SAMD3: variants seen among roughly 807,000 people sequenced by gnomAD.
SAMD3 encodes sterile alpha motif domain containing 3, also known as sterile alpha motif domain-containing protein 3.
A neutral mutation model predicts 58.5 loss-of-function variants in SAMD3; 63 were observed. The observed-to-expected ratio is 1.08, with a 90% confidence interval of 0.88 to 1.33. The LOEUF (loss-of-function observed/expected upper bound fraction) is 1.33. Ranked by LOEUF, SAMD3 falls within the 40% of genes most tolerant of loss-of-function variation. The pLI is 0.00. For missense variants in SAMD3, 604 were observed against 608.4 expected, an observed-to-expected ratio of 0.99 and a Z score of 0.08; for synonymous variants, 220 against 210.3, an observed-to-expected ratio of 1.05 and a Z score of -0.40.
intron 2 of SAMD3, among the ~76,000 whole-genome samples, chr6:130,251,692 T>C (rs1173080314): frequency 1.3e-5 from 2 of 152,174 alleles, no homozygotes; most frequent in African/African-American, 4.8e-5. Flanking sequence ...GAGGTGAAGA[T>C]TTCTTTCTAG....
chr6:130,300,027 T>A (rs2114973866), intron 2 of SAMD3, among the ~76,000 whole-genome samples: 1 of 152,314 alleles, frequency 6.6e-6, no homozygotes, highest in South Asian at 2.1e-4. Context: ...TTCTACCAGA[T>A]GTTCAAAGAA....
At chr6:130,329,429 A>C (rs1489268401) in intron 1 of SAMD3, among the ~76,000 whole-genome samples, 1 of 152,152 alleles carries the variant, frequency 6.6e-6, no homozygotes, top group Non-Finnish European at 1.5e-5. Flanking sequence ...AGTAGAATGA[A>C]ATTTTTAAAA....
intron 6 of SAMD3, 34 bp downstream of exon 6, chr6:130,184,404 C>A: frequency 6.3e-7 from 1 of 1,597,990 alleles, no homozygotes; most frequent in Non-Finnish European, 8.6e-7. Flanking sequence ...CAGACCCTTT[C>A]CCAAAGCAGC....
Position 130,315,228 on chromosome 6 carries a change from G to GA in SAMD3, c.-303-2136dup, listed in dbSNP as rs538004986. Among the ~76,000 whole-genome samples, 236 of 152,118 alleles carry GA rather than the reference G, an allele frequency of 1.6e-3. 1 individual carries two copies. The highest frequency in any genetic ancestry group is 5.5e-3 in the African/African-American group (227 of 41,492). Reference sequence around the variant, plus strand: ...ACAGCCACCATCTTATAGTATGTCAGAAAAATATCATGTAAATATATATAT... The same window carrying GA: ...ACAGCCACCATCTTATAGTATGTCAGAAAAAATATCATGTAAATATATATAT... On this transcript the variant is annotated intron_variant, in intron 1 of 13. Coordinates refer to the SAMD3 transcript ENST00000368134.
chr6:130,353,212 C>A (rs1005999601), intron 1 of SAMD3, among the ~76,000 whole-genome samples: 1 of 152,156 alleles, frequency 6.6e-6, no homozygotes, highest in African/African-American at 2.4e-5. Context: ...ATAATAATAT[C>A]TCTAATCCAG....
chr6:130,284,689 A>G (rs1775096670), intron 2 of SAMD3, among the ~76,000 whole-genome samples: 2 of 152,202 alleles, frequency 1.3e-5, no homozygotes, highest in African/African-American at 4.8e-5. Context: ...GAAAAAGTTG[A>G]CCAGGTAAAT....
chr6:130,363,062 C>T (rs1272308986), intron 1 of SAMD3, among the ~76,000 whole-genome samples: 1 of 152,154 alleles, frequency 6.6e-6, no homozygotes, highest in Non-Finnish European at 1.5e-5. Context: ...TTACCCTCTA[C>T]TTTGAAAAAG....
At chr6:130,215,139 A>C (rs1234191657) in intron 3 of SAMD3, 56 bp downstream of exon 3, 2 of 879,710 alleles carry the variant, frequency 2.3e-6, no homozygotes, top group Non-Finnish European at 3.8e-6. Context: ...GTAACAGAGG[A>C]CACCAGAATA....
At chr6:130,353,756 T>TAAAAATC (rs1000323351) in intron 1 of SAMD3, among the ~76,000 whole-genome samples, 3 of 152,108 alleles carry the variant, frequency 2.0e-5, no homozygotes, top group Admixed American at 6.5e-5. Flanking sequence ...CTAACTCCCC[T>TAAAAATC]AAAAATCCGA....
In SAMD3 at chr6:130,348,145, G is replaced by A. The variant is rs141103758; in HGVS notation, c.-304+16975C>T. On this transcript the variant is annotated intron_variant, in intron 1 of 13. Coordinates refer to the SAMD3 transcript ENST00000368134. ...AACATGCCAAATTGTAAAGAACATC[G>A]AGGCTAGGAAGAAACTGCAGCAACC... 2.4e-3 allele frequency among the ~76,000 whole-genome samples: 366 copies of A among 152,212 alleles called. 2 individuals are homozygous for A. Among genetic ancestry groups the A allele is most frequent in the Non-Finnish European group, 3.9e-3 (268 of 68,004 alleles).
chr6:130,225,961 C>T (rs2114870724), upstream of SAMD3, among the ~76,000 whole-genome samples: 1 of 152,334 alleles, frequency 6.6e-6, no homozygotes, highest in Admixed American at 6.5e-5. Flanking sequence ...CTGATCACAT[C>T]ACCCTTCTTA....
chr6:130,229,648 A>G (rs534527376), intron 2 of SAMD3, among the ~76,000 whole-genome samples: 3 of 152,214 alleles, frequency 2.0e-5, no homozygotes, highest in Admixed American at 6.5e-5. Flanking sequence ...TTATGCTTCC[A>G]TTATGGCATT....
At chr6:130,164,051 T>G (rs933271314) in intron 8 of SAMD3, among the ~76,000 whole-genome samples, 5 of 141,042 alleles carry the variant, frequency 3.5e-5, no homozygotes, top group Non-Finnish European at 7.6e-5. Flanking sequence ...ATTTATCAAA[T>G]CCATGCATCA....
intron 2 of SAMD3, among the ~76,000 whole-genome samples, chr6:130,267,857 G>T (rs1167466092): frequency 6.6e-6 from 1 of 152,222 alleles, no homozygotes; most frequent in African/African-American, 2.4e-5. Context: ...CCATAGAGTT[G>T]TGAACGAGCT....
intron 5 of SAMD3, among the ~76,000 whole-genome samples, chr6:130,192,949 C>G (rs1002308537): frequency 3.9e-5 from 6 of 152,180 alleles, no homozygotes; most frequent in African/African-American, 1.2e-4. Context: ...ACTTCAATCT[C>G]TCCCTTCTTT....
chr6:130,310,749 A>C (rs1361944948), intron 2 of SAMD3, among the ~76,000 whole-genome samples: 1 of 152,178 alleles, frequency 6.6e-6, no homozygotes, highest in African/African-American at 2.4e-5. Context: ...AGGCTTAAGG[A>C]TCTGAATTAT....
At chr6:130,219,928 C>A (rs1045874253) in intron 1 of SAMD3, among the ~76,000 whole-genome samples, 28 of 152,358 alleles carry the variant, frequency 1.8e-4, no homozygotes, top group African/African-American at 6.5e-4. Context: ...TAATTCACAA[C>A]ACCTCCAATA....
chr6:130,281,051 TAAC>T (rs10581624), intron 2 of SAMD3, among the ~76,000 whole-genome samples: 48,079 of 151,880 alleles, frequency 0.32, 7,809 homozygotes, highest in East Asian at 0.47. Context: ...ACTAAGAGAT[TAAC>T]AACAATAGCT....
chr6:130,333,634 G>T (rs917466993), intron 1 of SAMD3, among the ~76,000 whole-genome samples: 5 of 152,176 alleles, frequency 3.3e-5, no homozygotes, highest in Admixed American at 6.5e-5. Context: ...AAACCTTGAA[G>T]AAGGGACCTT....
Sources: allele counts gnomAD v4.1 joint callset (sites outside exome capture counted in the v4.1 genomes callset), GRCh38; gene constraint gnomAD v4.1.1; transcripts MANE v1.5; gene names NCBI Gene and HGNC (gene_info 2026-07-23, HGNC 2026-07-21).